VNN1: variants seen among roughly 807,000 people sequenced by gnomAD.
The protein encoded by VNN1 is vanin 1.
A neutral mutation model predicts 41.9 loss-of-function variants in VNN1; 29 were observed. The observed-to-expected ratio is 0.69, with a 90% CI of 0.52 to 0.94. The LOEUF (loss-of-function observed/expected upper bound fraction) is 0.94, where lower values mean the gene tolerates loss of function less well. Ranked by LOEUF, VNN1 falls within the 40% of genes least tolerant of loss-of-function variation. The probability of loss-of-function intolerance (pLI) is 0.00; values close to 1 mark genes in which losing one functional copy is unlikely to be tolerated. For synonymous variants in VNN1, 233 were observed against 224.4 expected, an observed-to-expected ratio of 1.04 and a Z score of -0.34; for missense variants, 637 against 621.1, an observed-to-expected ratio of 1.03 and a Z score of -0.27.
rs1044946455 is a variant in VNN1, at chr6:132,682,628, C to A, written c.*512G>T. On this transcript the variant is annotated 3_prime_UTR_variant, in exon 7 of 7. Transcript: ENST00000367928. ...TTTTACCTCTTTAAAGACCCTGTCT[C>A]CAAATACAGTCACATTCTGAGGTGC... 6.6e-6 allele frequency: 1 copy of A among 152,532 alleles called. No homozygotes were observed. The highest frequency in any genetic ancestry group is 1.5e-5 in the Non-Finnish European group (1 of 68,368). The allele number at this position is 152,532 out of a possible 1,614,324, so 9.4% of individuals were successfully genotyped here.
intron 2 of VNN1, among the ~76,000 whole-genome samples, chr6:132,701,859 A>G (rs1037633373): frequency 6.6e-6 from 1 of 152,248 alleles, no homozygotes; most frequent in Non-Finnish European, 1.5e-5. Context: ...AGGAAAGTAC[A>G]GTGATTGTGG....
intron 2 of VNN1, among the ~76,000 whole-genome samples, chr6:132,695,053 G>C (rs1582771946): frequency 6.6e-6 from 1 of 152,312 alleles, no homozygotes; most frequent in East Asian, 1.9e-4. Flanking sequence ...TCAAGAGGCT[G>C]AGGTGGGAGA....
chr6:132,683,353 A>T (rs1778156515), intron 6 of VNN1, 31 bp from the exon 7 acceptor site: 2 of 1,590,096 alleles, frequency 1.3e-6, no homozygotes, highest in Admixed American at 3.7e-5. Context: ...GGCAAAGGCT[A>T]CCTTCAAGTT....
At chr6:132,704,342 T>A (rs553368918) in intron 2 of VNN1, among the ~76,000 whole-genome samples, 37 of 152,098 alleles carry the variant, frequency 2.4e-4, no homozygotes, top group African/African-American at 7.2e-4. Context: ...TTAAAAAAAA[T>A]TGAGATCATA....
intron 2 of VNN1, among the ~76,000 whole-genome samples, chr6:132,703,469 T>C (rs1250003157): frequency 1.3e-5 from 2 of 152,170 alleles, no homozygotes; most frequent in Non-Finnish European, 2.9e-5. Flanking sequence ...GTTTATACAA[T>C]CAATGTTAAG....
chr6:132,711,489 C>T (rs1778598768), intron 2 of VNN1, among the ~76,000 whole-genome samples: 1 of 152,192 alleles, frequency 6.6e-6, no homozygotes, highest in Non-Finnish European at 1.5e-5. Context: ...GAGATGTTCA[C>T]ACTGAATGTG....
chr6:132,694,157 T>G lies in VNN1; in HGVS notation c.367A>C (p.Arg123=). 2 of 1,610,596 alleles carry G rather than the reference T, an allele frequency of 1.2e-6. No homozygotes were observed. Among genetic ancestry groups the G allele is most frequent in the South Asian group, 1.1e-5 (1 of 90,400 alleles). ...NRFGQTPVQE[R]LSCLAKNNSI... ...TTGTTCTTGGCCAGGCAGCTGAGTC[T>G]TTCTTGTACTGGGGTCTGGCCAAAT... The change falls in exon 3 of 7, where the codon AGA becomes CGA. Residue 123 remains arginine, a synonymous_variant. Transcript: ENST00000367928.
At chr6:132,689,138 G>T (rs1778246308) in intron 5 of VNN1, among the ~76,000 whole-genome samples, 1 of 152,094 alleles carries the variant, frequency 6.6e-6, no homozygotes, top group African/African-American at 2.4e-5. Flanking sequence ...TGCCCGCCTT[G>T]ACCTCCCAAA....
intron 5 of VNN1, among the ~76,000 whole-genome samples, chr6:132,687,588 A>T (rs1202440949): frequency 2.6e-5 from 4 of 152,230 alleles, no homozygotes; most frequent in African/African-American, 9.6e-5. Context: ...CAAAGGAGCA[A>T]ATAAAGGTAG....
intron 3 of VNN1, among the ~76,000 whole-genome samples, 189 bp from the exon 4 acceptor site, chr6:132,693,504 C>T (rs1482765379): frequency 1.3e-5 from 2 of 152,166 alleles, no homozygotes; most frequent in Non-Finnish European, 2.9e-5. Context: ...AGTTCAGTCT[C>T]CACATTACAA....
chr6:132,700,013 G>T (rs751941137), intron 2 of VNN1, among the ~76,000 whole-genome samples: 3 of 152,162 alleles, frequency 2.0e-5, no homozygotes, highest in African/African-American at 4.8e-5. Flanking sequence ...GTAGACCCAT[G>T]CTCAGGCTCA....
At chr6:132,693,668 C>T (rs1484301020) in intron 3 of VNN1, among the ~76,000 whole-genome samples, 1 of 152,168 alleles carries the variant, frequency 6.6e-6, no homozygotes, top group Non-Finnish European at 1.5e-5. Context: ...ATGTGGTAAG[C>T]AGTTTTTCAT....
At chr6:132,690,645 T>G (rs182997524) in intron 5 of VNN1, among the ~76,000 whole-genome samples, 1 of 152,236 alleles carries the variant, frequency 6.6e-6, no homozygotes, top group African/African-American at 2.4e-5. Flanking sequence ...AAGAGGAGGA[T>G]CTATGCTTAT....
intron 2 of VNN1, 139 bp downstream of exon 2, chr6:132,711,570 A>C (rs1778599778): frequency 1.0e-6 from 1 of 968,908 alleles, no homozygotes; most frequent in Admixed American, 3.3e-5. Flanking sequence ...CCCAGTAAAT[A>C]TACCCATAGT....
chr6:132,683,331 A>G lies in VNN1; in HGVS notation c.1360-9T>C, dbSNP rs1778156115. The G allele has an allele frequency of 6.2e-7, 1 of 1,607,464 alleles. No individual in the cohort carries two copies. The highest frequency in any genetic ancestry group is 1.3e-5 in the African/African-American group (1 of 74,526). On this transcript the variant is annotated splice_polypyrimidine_tract_variant and intron_variant, in intron 6 of 6. Transcript: ENST00000367928. Reference sequence around the variant, plus strand: ...CGTCCGTCAGTTGACACCTGATTAAAACAAAAAAGTAGGCAAAGGCTACCT... The same window carrying G: ...CGTCCGTCAGTTGACACCTGATTAAGACAAAAAAGTAGGCAAAGGCTACCT...
At position 132,681,358 on chromosome 6, in the gene VNN1, G is replaced by T. The variant is rs183812909; in HGVS notation, c.*1782C>A. Among the ~76,000 whole-genome samples the T allele has an allele frequency of 6.9e-4, 105 of 152,246 alleles. No homozygotes were observed. Among genetic ancestry groups the T allele is most frequent in the South Asian group, 6.2e-3 (30 of 4,828 alleles). On this transcript the variant is annotated 3_prime_UTR_variant, in exon 7 of 7. Coordinates refer to ENST00000367928, the MANE Select transcript of VNN1 (RefSeq NM_004666.3). ...TGAGCTGAGAAGCAGATTTTCTCCA[G>T]CCCCACCCGAGCCTTGAGATGATGG... is the stretch of plus-strand genomic sequence containing the variant.
chr6:132,688,729 C>T (rs536630815), intron 5 of VNN1, among the ~76,000 whole-genome samples: 33 of 152,152 alleles, frequency 2.2e-4, no homozygotes, highest in Non-Finnish European at 4.3e-4. Context: ...GTTAATATAA[C>T]ATATGGTATA....
At chr6:132,692,931 A>G in intron 4 of VNN1, 93 bp downstream of exon 4, 13 of 1,355,748 alleles carry the variant, frequency 9.6e-6, no homozygotes, top group Non-Finnish European at 1.3e-5. Flanking sequence ...AAAACATTGT[A>G]TTAAGGAGTA....
At position 132,684,479 on chromosome 6, in the gene VNN1, C is replaced by T. The variant is rs146358634; in HGVS notation, c.1215G>A (p.Thr405=). The change falls in exon 6 of 7, where the codon ACG becomes ACA. Residue 405 remains threonine, a synonymous_variant. Coordinates refer to ENST00000367928, the MANE Select transcript of VNN1 (RefSeq NM_004666.3). ...AGTCACCGCAAGTGTTTAAATTAGT[C>T]GTTTTACATTTCAACAGGGTACAAA... ...LQICTLLKCK[T]TNLNTCGDSA... 115 of 1,613,768 alleles carry T rather than the reference C, an allele frequency of 7.1e-5. No individual in the cohort carries two copies. Among genetic ancestry groups the T allele is most frequent in the Admixed American group, 2.2e-4 (13 of 59,978 alleles).
Sources: gnomAD v4.1 joint callset for allele counts (sites outside exome capture counted in the v4.1 genomes callset) on GRCh38, gnomAD v4.1.1 for gene constraint, MANE v1.5 for transcripts, NCBI Gene and HGNC (gene_info 2026-07-23, HGNC 2026-07-21) for gene names.